The following RGS7 variants were observed in gnomAD, a reference collection of about 807,000 sequenced individuals.
The protein encoded by RGS7 is regulator of G-protein signaling 7.
In RGS7, 27 loss-of-function variants were observed where a neutral mutation model predicts 81.1. The observed-to-expected ratio is 0.33, with a 90% CI of 0.25 to 0.46. The LOEUF (loss-of-function observed/expected upper bound fraction) is 0.46, where lower values mean the gene tolerates loss of function less well. Among genes scored for constraint, RGS7 ranks in the 20% least tolerant of loss-of-function variants. RGS7 has a pLI of 1.00. For missense variants in RGS7, 396 were observed against 607.4 expected (o/e 0.65, Z 3.66); for synonymous variants, 208 against 207.7 (o/e 1.00, Z -0.01).
At chr1:241,205,788 A>C (rs1211281922) in intron 2 of RGS7, among the ~76,000 whole-genome samples, 1 of 151,952 alleles carries the variant, frequency 6.6e-6, no homozygotes, top group Non-Finnish European at 1.5e-5. Flanking sequence ...TTTTTTCCTA[A>C]TCTTAACTTT....
intron 2 of RGS7, among the ~76,000 whole-genome samples, chr1:241,204,760 G>A (rs559255374): frequency 2.0e-5 from 3 of 151,602 alleles, no homozygotes; most frequent in Non-Finnish European, 4.4e-5. Flanking sequence ...CACACTCTGG[G>A]GTTTTCACTA....
intron 2 of RGS7, among the ~76,000 whole-genome samples, chr1:241,240,761 A>G (rs1439501980): frequency 6.6e-6 from 1 of 152,238 alleles, no homozygotes; most frequent in African/African-American, 2.4e-5. Context: ...GTGTTTTATG[A>G]CATATAGTTT....
chr1:240,819,154 A>G (rs1486186473), intron 10 of RGS7, among the ~76,000 whole-genome samples: 1 of 152,148 alleles, frequency 6.6e-6, no homozygotes, highest in African/African-American at 2.4e-5. Flanking sequence ...AATTTTTGAG[A>G]AGAAAAATAA....
chr1:241,016,804 T>C (rs2059270389), intron 3 of RGS7, among the ~76,000 whole-genome samples: 1 of 152,174 alleles, frequency 6.6e-6, no homozygotes, highest in African/African-American at 2.4e-5. Context: ...TTATGTGGCA[T>C]GCTTATACTA....
intron 2 of RGS7, among the ~76,000 whole-genome samples, chr1:241,227,144 C>T (rs2075353980): frequency 6.6e-6 from 1 of 152,114 alleles, no homozygotes; most frequent in Non-Finnish European, 1.5e-5. Flanking sequence ...TCTACCATAG[C>T]AAAATAAGAC....
chr1:240,900,021 C>T (rs1572667881), intron 6 of RGS7, among the ~76,000 whole-genome samples: 1 of 152,080 alleles, frequency 6.6e-6, no homozygotes, highest in Non-Finnish European at 1.5e-5. Flanking sequence ...TCTTCTCGCT[C>T]CATTTCATTC....
chr1:240,834,916 C>CCACACACA (rs67071227), intron 9 of RGS7, among the ~76,000 whole-genome samples: 132 of 144,616 alleles, frequency 9.1e-4, no homozygotes, highest in Admixed American at 1.5e-3. Context: ...ACCTTACACT[C>CCACACACA]CACACACACA....
At chr1:241,259,693 A>G (rs75022185) in intron 2 of RGS7, among the ~76,000 whole-genome samples, 9,115 of 133,146 alleles carry the variant, frequency 0.068, 531 homozygotes, top group South Asian at 0.18. Context: ...TATAATTAAA[A>G]TACCAATCTA....
chr1:241,061,575 A>G (rs897542941), intron 3 of RGS7, among the ~76,000 whole-genome samples: 2 of 152,204 alleles, frequency 1.3e-5, no homozygotes, highest in African/African-American at 4.8e-5. Context: ...ATAAGTGCTA[A>G]AATAGATACA....
chr1:240,972,868 AAATT>A (rs1393963070), intron 4 of RGS7, among the ~76,000 whole-genome samples: 1 of 150,890 alleles, frequency 6.6e-6, no homozygotes, highest in African/African-American at 2.4e-5. Flanking sequence ...AAAAAAAAAA[AAATT>A]AAAATCAACT....
rs115935533 is a variant in RGS7, at chr1:241,347,884, T to G, written c.78+7815A>C. On this transcript the variant is annotated intron_variant, in intron 2 of 18. Transcript: ENST00000440928. ...ATGGTCTATGGTCTTCCTTTAAAAG[T>G]TCTGTTGTATTCTCTTGAAAAAAAA... Among the ~76,000 whole-genome samples, 685 of 152,308 alleles carry G rather than the reference T, an allele frequency of 4.5e-3. 5 individuals carry two copies. Among genetic ancestry groups the G allele is most frequent in the African/African-American group, 0.016 (653 of 41,572 alleles).
intron 4 of RGS7, among the ~76,000 whole-genome samples, chr1:240,939,702 G>T (rs1677239577): frequency 1.3e-5 from 2 of 152,176 alleles, no homozygotes. Context: ...ATTCCTCTGG[G>T]AGGGGTATCT....
chr1:240,812,451 T>G (rs1183202592), intron 13 of RGS7, among the ~76,000 whole-genome samples: 1 of 149,302 alleles, frequency 6.7e-6, no homozygotes, highest in African/African-American at 2.4e-5. Flanking sequence ...TTTTTTTTTT[T>G]GAGATGGAGT....
At chr1:241,145,247 C>T (rs2103101957) in intron 2 of RGS7, among the ~76,000 whole-genome samples, 1 of 151,972 alleles carries the variant, frequency 6.6e-6, no homozygotes, top group South Asian at 2.1e-4. Flanking sequence ...CGACCTCCTG[C>T]CCCTGTGATT....
chr1:241,301,543 G>T (rs2079759263), intron 2 of RGS7, among the ~76,000 whole-genome samples: 1 of 152,224 alleles, frequency 6.6e-6, no homozygotes, highest in Non-Finnish European at 1.5e-5. Context: ...ATGTTAAGTT[G>T]TGTAAGTGTT....
At chr1:241,199,272 T>C (rs1422682509) in intron 2 of RGS7, among the ~76,000 whole-genome samples, 2 of 152,004 alleles carry the variant, frequency 1.3e-5, no homozygotes, top group East Asian at 1.9e-4. Flanking sequence ...CCAGCCAACA[T>C]GGTGAAACCT....
chr1:240,806,353 T>A, intron 14 of RGS7, 27 bp from the exon 15 acceptor site: 2 of 1,607,000 alleles, frequency 1.2e-6, no homozygotes, highest in Non-Finnish European at 1.7e-6. Context: ...ATCGGGTGTT[T>A]ACTCTGATGG....
chr1:241,242,755 T>C (rs1046025738), intron 2 of RGS7, among the ~76,000 whole-genome samples: 3 of 152,258 alleles, frequency 2.0e-5, no homozygotes, highest in Non-Finnish European at 4.4e-5. Flanking sequence ...TTTTTTCATA[T>C]GTTTCTTGGC....
intron 3 of RGS7, among the ~76,000 whole-genome samples, chr1:241,092,561 T>C (rs1396969648): frequency 1.3e-5 from 2 of 152,228 alleles, no homozygotes; most frequent in Admixed American, 6.5e-5. Flanking sequence ...TTTAGCTATA[T>C]AGTTATTTTT....
Sources: gnomAD v4.1 joint callset for allele counts (sites outside exome capture counted in the v4.1 genomes callset) on GRCh38, gnomAD v4.1.1 for gene constraint, MANE v1.5 for transcripts, NCBI Gene and HGNC (gene_info 2026-07-23, HGNC 2026-07-21) for gene names.